Variants in GRIA4 observed in about 807,000 individuals in gnomAD.
The protein encoded by GRIA4 is glutamate receptor 4.
In GRIA4, 34 loss-of-function variants were observed where a neutral mutation model predicts 104.0. That is an observed-to-expected ratio of 0.33 (90% CI 0.25 to 0.44). GRIA4 has a LOEUF of 0.44. GRIA4 is among the 20% of genes least tolerant of loss of function. The pLI, the probability that GRIA4 is intolerant of heterozygous loss-of-function variation, is 1.00. For missense variants in GRIA4, 750 were observed against 1,096.5 expected (o/e 0.68, Z 4.46); for synonymous variants, 386 against 381.9 (o/e 1.01, Z -0.13).
chr11:105,694,445 C>G (rs1227500920), intron 3 of GRIA4, among the ~76,000 whole-genome samples: 2 of 151,992 alleles, frequency 1.3e-5, no homozygotes, highest in Non-Finnish European at 2.9e-5. Context: ...ATGCTCCCGG[C>G]CACAAGTTAA....
intron 3 of GRIA4, among the ~76,000 whole-genome samples, chr11:105,703,004 A>G (rs1953560084): frequency 6.6e-6 from 1 of 152,236 alleles, no homozygotes. Context: ...TTACTTGTCC[A>G]GTGTCAACTT....
chr11:105,906,375 G>A (rs1947041661), intron 9 of GRIA4, among the ~76,000 whole-genome samples: 1 of 152,126 alleles, frequency 6.6e-6, no homozygotes, highest in African/African-American at 2.4e-5. Context: ...GGAAAACAAA[G>A]AAAGGAAGGC....
At chr11:105,678,168 T>C (rs910292268) in intron 3 of GRIA4, among the ~76,000 whole-genome samples, 2 of 152,106 alleles carry the variant, frequency 1.3e-5, no homozygotes, top group Non-Finnish European at 2.9e-5. Flanking sequence ...ATGTATTTCA[T>C]ATCTGAGAGC....
At chr11:105,742,798 G>A (rs1939396357) in intron 3 of GRIA4, among the ~76,000 whole-genome samples, 3 of 152,050 alleles carry the variant, frequency 2.0e-5, no homozygotes, top group Admixed American at 1.3e-4. Context: ...GTGCAGTGGC[G>A]AGATCTCAGT....
intron 11 of GRIA4, among the ~76,000 whole-genome samples, chr11:105,923,112 G>C (rs1020882870): frequency 6.6e-6 from 1 of 152,102 alleles, no homozygotes; most frequent in African/African-American, 2.4e-5. Flanking sequence ...ATAGAACCAG[G>C]AGCCTGAGGA....
intron 14 of GRIA4, among the ~76,000 whole-genome samples, chr11:105,947,874 T>C (rs998415633): frequency 1.3e-5 from 2 of 152,220 alleles, no homozygotes; most frequent in African/African-American, 4.8e-5. Context: ...TTTTGAAATA[T>C]GACTATAAGC....
intron 3 of GRIA4, among the ~76,000 whole-genome samples, chr11:105,659,138 T>G (rs1044956621): frequency 1.3e-5 from 2 of 151,990 alleles, no homozygotes; most frequent in Admixed American, 1.3e-4. Flanking sequence ...ATTAGTTGCT[T>G]CCTCACCCAT....
chr11:105,737,829 T>C (rs1348824674), intron 3 of GRIA4, among the ~76,000 whole-genome samples: 1 of 152,164 alleles, frequency 6.6e-6, no homozygotes, highest in Non-Finnish European at 1.5e-5. Context: ...TTATTGTTCT[T>C]TCACCACTTA....
chr11:105,912,020 G>A, intron 10 of GRIA4: 2 of 1,247,488 alleles, frequency 1.6e-6, no homozygotes, highest in Non-Finnish European at 2.1e-6. Flanking sequence ...CTTCTTGGAT[G>A]ACCAACTCTG....
At chr11:105,816,808 C>T (rs1943394382) in intron 4 of GRIA4, among the ~76,000 whole-genome samples, 2 of 151,992 alleles carry the variant, frequency 1.3e-5, no homozygotes, top group Non-Finnish European at 2.9e-5. Flanking sequence ...GGCCAGGAAA[C>T]TGAGACCAGC....
At chr11:105,614,627 C>T (rs1950555467) in intron 3 of GRIA4, among the ~76,000 whole-genome samples, 1 of 151,788 alleles carries the variant, frequency 6.6e-6, no homozygotes, top group Non-Finnish European at 1.5e-5. Context: ...TAATCACATA[C>T]AATTGATTTT....
At chr11:105,779,642 A>G (rs1192967242) in intron 4 of GRIA4, among the ~76,000 whole-genome samples, 1 of 151,926 alleles carries the variant, frequency 6.6e-6, no homozygotes, top group Non-Finnish European at 1.5e-5. Flanking sequence ...TAATAAAAAA[A>G]AAAACAACAA....
chr11:105,654,017 A>G (rs1951765730), intron 3 of GRIA4, among the ~76,000 whole-genome samples: 1 of 148,892 alleles, frequency 6.7e-6, no homozygotes, highest in Admixed American at 6.7e-5. Flanking sequence ...AAAAAAAAAA[A>G]AAAAAAAAAA....
chr11:105,779,943 C>G (rs891896572), intron 4 of GRIA4, among the ~76,000 whole-genome samples: 1 of 152,104 alleles, frequency 6.6e-6, no homozygotes, highest in Non-Finnish European at 1.5e-5. Context: ...TGGAATCTTT[C>G]AGTGGGGGCA....
intron 3 of GRIA4, among the ~76,000 whole-genome samples, chr11:105,710,904 C>T (rs996487644): frequency 6.6e-6 from 1 of 151,364 alleles, no homozygotes; most frequent in African/African-American, 2.4e-5. Context: ...ATTTTTGTTT[C>T]CTACTATTTT....
intron 3 of GRIA4, among the ~76,000 whole-genome samples, chr11:105,617,275 C>CAT (rs1228301730): frequency 4.7e-5 from 7 of 150,148 alleles, no homozygotes; most frequent in Non-Finnish European, 8.9e-5. Flanking sequence ...TATATCTTTT[C>CAT]ATATATATAT....
At chr11:105,776,026 C>T (rs76577648) in intron 4 of GRIA4, among the ~76,000 whole-genome samples, 4,578 of 151,952 alleles carry the variant, frequency 0.03, 140 homozygotes, top group African/African-American at 0.077. Context: ...AAAGTAGATG[C>T]TATTTATTGA....
chr11:105,857,840 T>C lies in GRIA4; in HGVS notation c.488-4184T>C, dbSNP rs182121357. ...TTTCTTCCCTGGCACAAATGTATTC[T>C]GCTTCTCTTTCTGCTGCTCTGTGTG... On this transcript the variant is annotated intron_variant, in intron 4 of 16. Coordinates refer to ENST00000282499, the MANE Select transcript of GRIA4 (RefSeq NM_000829.4). 1.4e-3 allele frequency among the ~76,000 whole-genome samples: 209 copies of C among 152,296 alleles called. 1 individual carries two copies. The highest frequency in any genetic ancestry group is 4.7e-3 in the African/African-American group (195 of 41,578).
chr11:105,611,064 T>C lies in GRIA4; in HGVS notation c.67T>C (p.Phe23Leu). 1 of 1,613,230 alleles carries C rather than the reference T, an allele frequency of 6.2e-7. No individual in the cohort carries two copies. Among genetic ancestry groups the C allele is most frequent in the South Asian group, 1.1e-5 (1 of 91,054 alleles). The change falls in exon 2 of 17, where the codon TTT (phenylalanine) becomes CTT (leucine). Residue 23 changes from phenylalanine (F) to leucine (L), a missense_variant. Phe to Leu is a conservative substitution (Grantham distance 22, BLOSUM62 0). Transcript: ENST00000282499. ...ATTTTGGGGACTCGCCATGGGAGCCTTTCCGAGCAGCGTGCAAATAGGTAA... is the reference window on the plus strand; with the variant it reads ...ATTTTGGGGACTCGCCATGGGAGCCCTTCCGAGCAGCGTGCAAATAGGTAA... The part of the protein sequence containing the change: ...SGFWGLAMGA[F>L]PSSVQIGGLF...
Sources: gnomAD v4.1 joint callset for allele counts (sites outside exome capture counted in the v4.1 genomes callset) on GRCh38, gnomAD v4.1.1 for gene constraint, MANE v1.5 for transcripts, NCBI Gene and HGNC (gene_info 2026-07-23, HGNC 2026-07-21) for gene names.